SLC43A2: variants seen among roughly 807,000 people sequenced by gnomAD.
The protein encoded by SLC43A2 is solute carrier family 43 member 2.
SLC43A2 carries 38 observed loss-of-function variants against 63.2 expected under a neutral mutation model. The observed-to-expected ratio is 0.60, with a 90% confidence interval of 0.46 to 0.79. SLC43A2 has a LOEUF of 0.79. Ranked by LOEUF, SLC43A2 falls within the 30% of genes least tolerant of loss-of-function variation. SLC43A2 has a pLI of 0.00. For missense variants in SLC43A2, 644 were observed against 756.2 expected (o/e 0.85, Z 1.74); for synonymous variants, 322 against 331.0 (o/e 0.97, Z 0.30).
intron 11 of SLC43A2, among the ~76,000 whole-genome samples, chr17:1,581,567 A>G (rs1398986400): frequency 6.6e-6 from 1 of 152,170 alleles, no homozygotes; most frequent in Non-Finnish European, 1.5e-5. Flanking sequence ...AGGGACTCTT[A>G]CTTCCCTCCT....
intron 5 of SLC43A2, among the ~76,000 whole-genome samples, chr17:1,594,979 C>T (rs912880574): frequency 1.3e-5 from 2 of 151,952 alleles, no homozygotes; most frequent in African/African-American, 4.8e-5. Context: ...GAGTTTAAGA[C>T]CAGCCTGGAC....
chr17:1,613,662 C>T (rs1185025701), intron 4 of SLC43A2, among the ~76,000 whole-genome samples: 2 of 152,288 alleles, frequency 1.3e-5, no homozygotes, highest in African/African-American at 4.8e-5. Context: ...GTCTCGAACT[C>T]CTGGCCTCGG....
intron 2 of SLC43A2, among the ~76,000 whole-genome samples, chr17:1,622,875 T>C (rs1383387156): frequency 1.3e-5 from 2 of 148,576 alleles, no homozygotes; most frequent in African/African-American, 5.0e-5. Context: ...GATCATGCCA[T>C]TGTACTCCAG....
At chr17:1,584,026 G>T (rs1471015201) in intron 10 of SLC43A2, among the ~76,000 whole-genome samples, 1 of 152,008 alleles carries the variant, frequency 6.6e-6, no homozygotes, top group Non-Finnish European at 1.5e-5. Context: ...CTCCCGAGTA[G>T]CTGGGACTAC....
intron 5 of SLC43A2, among the ~76,000 whole-genome samples, chr17:1,594,885 A>G (rs77703798): frequency 0.56 from 84,167 of 151,172 alleles, 24,429 homozygotes; most frequent in Admixed American, 0.65. Flanking sequence ...ACCGCGCCCA[A>G]CCTTTTTTTC....
intron 2 of SLC43A2, among the ~76,000 whole-genome samples, chr17:1,623,074 C>T (rs1908315269): frequency 6.6e-6 from 1 of 152,220 alleles, no homozygotes; most frequent in Non-Finnish European, 1.5e-5. Context: ...CCACTGCACT[C>T]CAGCCTGGGC....
intron 13 of SLC43A2, 53 bp downstream of exon 13, chr17:1,576,544 G>C (rs1484017579): frequency 9.7e-6 from 15 of 1,551,214 alleles, no homozygotes; most frequent in Non-Finnish European, 1.2e-5. Context: ...GCAGCTCGCA[G>C]TTAGCAGAAG....
rs1381996812 is a variant in SLC43A2, at chr17:1,576,629, T to C, written c.1516A>G (p.Met506Val). The change falls in exon 13 of 14, where the codon ATG (methionine) becomes GTG (valine). Residue 506 changes from methionine (M) to valine (V), a missense_variant. Physicochemically the swap from Met to Val is conservative, Grantham distance 21. Around this residue, in one of 3 missense-constraint regions of SLC43A2, gnomAD observed 105 missense variants for 101.7 expected, o/e 1.03. Coordinates refer to ENST00000301335, the MANE Select transcript of SLC43A2 (RefSeq NM_152346.3). ...ALLQQPLFLA[M>V]MGPLQGDPLW... is the part of the protein sequence containing the mutation. ...GGGTCTCCCTGGAGAGGACCCATCA[T>C]GGCCAGAAACAGCGGCTGCTGCAGA... 1.9e-6 allele frequency: 3 copies of C among 1,610,406 alleles called. No homozygotes were observed. Among genetic ancestry groups the C allele is most frequent in the Non-Finnish European group, 2.5e-6 (3 of 1,179,946 alleles).
In SLC43A2 at chr17:1,591,482, G is replaced by C. The variant is rs200106044; in HGVS notation, c.729-11C>G. The C allele has an allele frequency of 6.2e-7, 1 of 1,612,682 alleles. No homozygotes were observed. On this transcript the variant is annotated splice_polypyrimidine_tract_variant and intron_variant, in intron 7 of 13. Coordinates refer to ENST00000301335, the MANE Select transcript of SLC43A2 (RefSeq NM_152346.3). Reference sequence around the variant, plus strand: ...AACTTGATCTTCACCCTGGGGCCCCGGGAGAGTGTCTGTGGGTGCTGCCCG... The same window carrying C: ...AACTTGATCTTCACCCTGGGGCCCCCGGAGAGTGTCTGTGGGTGCTGCCCG...
intron 4 of SLC43A2, 108 bp from the exon 5 acceptor site, chr17:1,613,379 C>G (rs551332022): frequency 6.4e-6 from 6 of 939,718 alleles, no homozygotes. Flanking sequence ...ATCCAGTAAA[C>G]GCAGGCCGGG....
intron 6 of SLC43A2, among the ~76,000 whole-genome samples, 185 bp from the exon 7 acceptor site, chr17:1,591,884 C>T (rs989109583): frequency 4.6e-5 from 7 of 152,156 alleles, no homozygotes; most frequent in Admixed American, 2.0e-4. Flanking sequence ...GTCCTCCCAC[C>T]GTGCCTGCCC....
At chr17:1,610,843 C>T (rs1907028662) in intron 5 of SLC43A2, among the ~76,000 whole-genome samples, 1 of 150,590 alleles carries the variant, frequency 6.6e-6, no homozygotes, top group South Asian at 2.1e-4. Context: ...TTCTTTTTTT[C>T]CTTTTTTTTT....
In SLC43A2 at chr17:1,569,268, T is replaced by C. The variant is rs13341542; in HGVS notation, c.*6336A>G. On this transcript the variant is annotated 3_prime_UTR_variant, in exon 14 of 14. Transcript: ENST00000301335. Reference sequence around the variant, plus strand: ...GAGCCAAGGAGGAAGCCGCTCGCAGTCATTCTCAGCATACATTTATTGAGT... The same window carrying C: ...GAGCCAAGGAGGAAGCCGCTCGCAGCCATTCTCAGCATACATTTATTGAGT... The C allele has an allele frequency of 0.29, 44,430 of 152,256 alleles. 7,163 individuals carry two copies. The highest frequency in any genetic ancestry group is 0.43 in the African/African-American group (17,884 of 41,508). 9.4% of individuals were successfully genotyped at this position (152,256 alleles called of 1,614,324 possible).
chr17:1,584,825 A>AT (rs1352188547), intron 10 of SLC43A2, among the ~76,000 whole-genome samples: 1 of 151,762 alleles, frequency 6.6e-6, no homozygotes, highest in East Asian at 1.9e-4. Flanking sequence ...GTCTCAAAAA[A>AT]AAAAAAGAAA....
chr17:1,616,272 C>T (rs1455180400), intron 3 of SLC43A2: 1 of 418,690 alleles, frequency 2.4e-6, no homozygotes, highest in East Asian at 3.9e-5. Flanking sequence ...CCCCAATTAT[C>T]ATGCTTATGA....
intron 5 of SLC43A2, among the ~76,000 whole-genome samples, chr17:1,611,067 TCC>T (rs1907055980): frequency 6.6e-6 from 1 of 151,948 alleles, no homozygotes; most frequent in Non-Finnish European, 1.5e-5. Flanking sequence ...GGTCTCGAAC[TCC>T]TGACCTCATG....
intron 10 of SLC43A2, 60 bp downstream of exon 10, chr17:1,585,853 C>G (rs1168143645): frequency 5.0e-6 from 8 of 1,610,980 alleles, no homozygotes; most frequent in African/African-American, 1.3e-5. Flanking sequence ...ACATGCAGCT[C>G]TGGGGTCTTT....
intron 2 of SLC43A2, among the ~76,000 whole-genome samples, chr17:1,627,483 G>A (rs1300075544): frequency 6.6e-6 from 1 of 152,220 alleles, no homozygotes; most frequent in African/African-American, 2.4e-5. Context: ...GGCAGGCCCA[G>A]GCTCTGCGGC....
rs1005252288 is a variant in SLC43A2 at position 1,572,463 on chromosome 17, TATG to T, written c.*3138_*3140del. 1 of 152,330 alleles carries T rather than the reference TATG, an allele frequency of 6.6e-6. No homozygotes were observed. Among genetic ancestry groups the T allele is most frequent in the Non-Finnish European group, 1.5e-5 (1 of 68,148 alleles). 9.4% of individuals were successfully genotyped at this position (152,330 alleles called of 1,614,324 possible). ...CTCCAGGCCTCGTTTTTCAGGTGTATATGATGATAGTATCTCTAGGCCTCGTTT... is the reference window on the plus strand; with the variant it reads ...CTCCAGGCCTCGTTTTTCAGGTGTATATGATAGTATCTCTAGGCCTCGTTT... On this transcript the variant is annotated 3_prime_UTR_variant, in exon 14 of 14. Transcript: ENST00000301335.
Sources: gnomAD v4.1 joint callset for allele counts (sites outside exome capture counted in the v4.1 genomes callset) on GRCh38, gnomAD v4.1.1 for gene constraint, gnomAD v4.1.1 regional missense constraint, MANE v1.5 for transcripts, NCBI Gene and HGNC (gene_info 2026-07-23, HGNC 2026-07-21) for gene names.